Variants in CCDC33 observed in about 807,000 individuals in gnomAD.
CCDC33 encodes the protein coiled-coil domain containing 33, also known as coiled-coil domain-containing protein 33.
A neutral mutation model predicts 91.9 loss-of-function variants in CCDC33; 94 were observed. The observed-to-expected ratio is 1.02, with a 90% CI of 0.87 to 1.21. The LOEUF (loss-of-function observed/expected upper bound fraction) is 1.21. CCDC33 is among the 50% of genes most tolerant of loss of function. The pLI is 0.00. For missense variants in CCDC33, 940 were observed against 935.5 expected, an observed-to-expected ratio of 1.00 and a Z score of -0.06; for synonymous variants, 396 against 374.5, an observed-to-expected ratio of 1.06 and a Z score of -0.66.
At chr15:74,297,140 C>G (rs1462393237) in intron 11 of CCDC33, among the ~76,000 whole-genome samples, 2 of 152,244 alleles carry the variant, frequency 1.3e-5, no homozygotes, top group East Asian at 3.8e-4. Flanking sequence ...CACATGAGCA[C>G]CCCTGCCCAC....
At chr15:74,221,107 A>G in intron 2 of CCDC33, 1 of 746,728 alleles carries the variant, frequency 1.3e-6, no homozygotes, top group Non-Finnish European at 1.6e-6. Flanking sequence ...CTCCCAAGTT[A>G]TCCTCAGTCC....
chr15:74,250,671 C>T (rs559363866), intron 2 of CCDC33, among the ~76,000 whole-genome samples: 4 of 152,332 alleles, frequency 2.6e-5, no homozygotes, highest in South Asian at 4.1e-4. Context: ...CCACTAGTTC[C>T]GTGGACAACC....
At chr15:74,328,933 T>A (rs2060368229) in intron 11 of CCDC33, among the ~76,000 whole-genome samples, 1 of 152,042 alleles carries the variant, frequency 6.6e-6, no homozygotes. Context: ...CAAACTCACT[T>A]CCCCATGCCC....
intron 10 of CCDC33, among the ~76,000 whole-genome samples, chr15:74,291,193 C>T (rs1489269458): frequency 1.4e-4 from 21 of 152,206 alleles, no homozygotes; most frequent in Non-Finnish European, 3.1e-4. Context: ...AAATGAGGCT[C>T]GCTGTATGCA....
At chr15:74,213,488 A>G (rs1379332332), upstream of CCDC33, 5 of 152,222 alleles carry the variant, frequency 3.3e-5, no homozygotes, top group African/African-American at 1.2e-4. Flanking sequence ...TTTTCCCTGT[A>G]TCTCTGGGTC....
At chr15:74,269,930 G>A (rs1386041654) in intron 5 of CCDC33, among the ~76,000 whole-genome samples, 1 of 152,024 alleles carries the variant, frequency 6.6e-6, no homozygotes, top group Non-Finnish European at 1.5e-5. Context: ...CACAGAACAG[G>A]TGCAAATTAG....
chr15:74,218,649 C>T lies in CCDC33; in HGVS notation c.463C>T (p.Gln155Ter), dbSNP rs1419562057. The T allele has an allele frequency of 7.8e-7, 1 of 1,289,766 alleles. No individual in the cohort carries two copies. The highest frequency in any genetic ancestry group is 1.0e-6 in the Non-Finnish European group (1 of 988,894). 79.9% of individuals were successfully genotyped at this position (1,289,766 alleles called of 1,614,324 possible). A position where few individuals can be genotyped will look rare whatever the true frequency, so the allele number is the denominator to read the frequency against. The change falls in exon 2 of 3, where the codon CAG becomes TAG. Residue 155 changes from glutamine (Q) to a stop codon, truncating the protein, a stop_gained. Transcript: ENST00000635913. LOFTEE classifies it high-confidence loss of function. The surrounding 1 kb of genome is among the most constrained non-coding windows in gnomAD (Gnocchi z 4.8). Reference sequence around the variant, plus strand: ...CCAACCCCGCATGAACCCAAAGGCTCAGGATCACGAGGACCTGTACCGCTA... The same window carrying T: ...CCAACCCCGCATGAACCCAAAGGCTTAGGATCACGAGGACCTGTACCGCTA...
chr15:74,221,751 C>A (rs2074603599), intron 2 of CCDC33, among the ~76,000 whole-genome samples: 1 of 152,188 alleles, frequency 6.6e-6, no homozygotes, highest in Non-Finnish European at 1.5e-5. Flanking sequence ...ATTTACCCAC[C>A]TAGAGGGCTA....
intron 17 of CCDC33, 150 bp from the exon 18 acceptor site, chr15:74,334,825 C>A (rs2060528962): frequency 1.5e-6 from 1 of 670,772 alleles, no homozygotes; most frequent in Non-Finnish European, 2.6e-6. Context: ...CTCACCCCGC[C>A]ACCCCTGAGG....
At chr15:74,296,035 A>G in intron 11 of CCDC33, 87 bp downstream of exon 11, 1 of 1,228,826 alleles carries the variant, frequency 8.1e-7, no homozygotes, top group Non-Finnish European at 1.1e-6. Context: ...GGACTGCTTC[A>G]TGCCTCAGGT....
In CCDC33 at chr15:74,316,290, C is replaced by T. The variant is rs958065946; in HGVS notation, c.1291-13899C>T. 9.8e-5 allele frequency among the ~76,000 whole-genome samples: 15 copies of T among 152,338 alleles called. No individual in the cohort carries two copies. Among genetic ancestry groups the T allele is most frequent in the Middle Eastern group, 3.4e-3 (1 of 294 alleles). ...GTCCCTGAGGGTCCGCTGGGGCGCC[C>T]CTCCAGCCTCCCGCCAGAGCAGGGC... On this transcript the variant is annotated intron_variant, in intron 11 of 18. Transcript: ENST00000398814. The surrounding 1 kb of genome is among the most constrained non-coding windows in gnomAD (Gnocchi z 4.7).
intron 2 of CCDC33, among the ~76,000 whole-genome samples, chr15:74,256,192 C>G (rs770016264): frequency 6.6e-6 from 1 of 152,164 alleles, no homozygotes; most frequent in Non-Finnish European, 1.5e-5. Flanking sequence ...CATCCAGGCT[C>G]CAGTCGCCAG....
At chr15:74,213,029 A>G (rs1418821740), upstream of CCDC33, 3 of 152,156 alleles carry the variant, frequency 2.0e-5, no homozygotes, top group African/African-American at 7.2e-5. Flanking sequence ...AGCATGGCCG[A>G]CATTATGAAA....
At chr15:74,289,367 G>A (rs2059542732) in intron 10 of CCDC33, among the ~76,000 whole-genome samples, 2 of 152,198 alleles carry the variant, frequency 1.3e-5, no homozygotes, top group South Asian at 2.1e-4. Flanking sequence ...GGATGGAGAG[G>A]CATACTGCTT....
At chr15:74,241,213 T>G (rs972241276) in intron 1 of CCDC33, among the ~76,000 whole-genome samples, 10 of 151,624 alleles carry the variant, frequency 6.6e-5, no homozygotes, top group Non-Finnish European at 4.4e-5. Context: ...GGGGGTGGCC[T>G]CCTCAGTCAG....
In CCDC33 at chr15:74,331,237, G is replaced by C. The variant is rs2060430753; in HGVS notation, c.1712G>C (p.Arg571Thr). The change falls in exon 15 of 19, where the codon AGG becomes ACG. Residue 571 changes from arginine (R) to threonine (T), a missense_variant. Transcript: ENST00000398814. ...AAGATGGAGCGGGTGCTGGAGGACA[G>C]GCTGCAGGACAGGAGCAAGCCCCCT... The part of the protein sequence containing the change: ...IEKMERVLED[R>T]LQDRSKPPPL... 1 of 1,614,044 alleles carries C rather than the reference G, an allele frequency of 6.2e-7. No individual in the cohort carries two copies. The highest frequency in any genetic ancestry group is 2.2e-5 in the East Asian group (1 of 44,884).
chr15:74,296,151 T>A (rs1045114247), intron 11 of CCDC33, among the ~76,000 whole-genome samples: 14 of 152,382 alleles, frequency 9.2e-5, no homozygotes, highest in African/African-American at 3.4e-4. Flanking sequence ...CTTCACCTTT[T>A]GAGTGGAACT....
intron 2 of CCDC33, among the ~76,000 whole-genome samples, chr15:74,219,467 A>C (rs1460290223): frequency 6.6e-6 from 1 of 152,198 alleles, no homozygotes; most frequent in Non-Finnish European, 1.5e-5. Context: ...TAATGTCAAC[A>C]ACATTTCCTG....
rs2142707271 is a variant in CCDC33, at chr15:74,306,015, G to T, written c.1290+10067G>T. Among the ~76,000 whole-genome samples, 3 of 152,312 alleles carry T rather than the reference G, an allele frequency of 2.0e-5. 1 individual carries two copies. The South Asian group carries it at 6.2e-4, about 32-fold the overall frequency. On this transcript the variant is annotated intron_variant, in intron 11 of 18. Transcript: ENST00000398814. Reference sequence around the variant, plus strand: ...AAACTGTAAAGGGCCGTCCACTTTGGCACTTTGCAGGAGGCTTATTAATAG... The same window carrying T: ...AAACTGTAAAGGGCCGTCCACTTTGTCACTTTGCAGGAGGCTTATTAATAG...
Sources: allele counts gnomAD v4.1 joint callset (sites outside exome capture counted in the v4.1 genomes callset), GRCh38; gene constraint gnomAD v4.1.1; non-coding constraint Gnocchi (gnomAD v3.1); transcripts MANE v1.5; gene names NCBI Gene and HGNC (gene_info 2026-07-23, HGNC 2026-07-21).